The following ADAM22 variants were observed in gnomAD, a reference collection of about 807,000 sequenced individuals.
ADAM22 encodes ADAM metallopeptidase domain 22.
A neutral mutation model predicts 144.6 loss-of-function variants in ADAM22; 65 were observed. That is an observed-to-expected ratio of 0.45 (90% CI 0.37 to 0.55). The LOEUF is 0.55. ADAM22 is among the 20% of genes least tolerant of loss of function. The pLI, the probability that ADAM22 is intolerant of heterozygous loss-of-function variation, is 0.00. For missense variants in ADAM22, 974 were observed against 1,184.9 expected (o/e 0.82, Z 2.61); for synonymous variants, 391 against 412.6 (o/e 0.95, Z 0.63).
At chr7:88,189,034 A>C (rs112036307) in intron 30 of ADAM22, among the ~76,000 whole-genome samples, 18 of 152,304 alleles carry the variant, frequency 1.2e-4, no homozygotes, top group African/African-American at 4.1e-4. Context: ...CTGGTTCAAA[A>C]TATAGTCCAG....
intron 22 of ADAM22, among the ~76,000 whole-genome samples, chr7:88,157,875 A>G (rs1189336302): frequency 6.6e-6 from 1 of 152,168 alleles, no homozygotes; most frequent in Non-Finnish European, 1.5e-5. Context: ...CTATATGCAT[A>G]TGTAATTTTG....
intron 2 of ADAM22, among the ~76,000 whole-genome samples, chr7:87,972,808 T>A (rs1480741485): frequency 6.6e-6 from 1 of 152,164 alleles, no homozygotes; most frequent in Non-Finnish European, 1.5e-5. Flanking sequence ...AACTATCTGA[T>A]CTTTGACAAA....
Position 88,119,004 on chromosome 7 carries a change from T to G in ADAM22, c.607+2190T>G, listed in dbSNP as rs551729663. Among the ~76,000 whole-genome samples the G allele has an allele frequency of 4.6e-5, 7 of 152,352 alleles. No homozygotes were observed. In the South Asian group the frequency reaches 1.5e-3, roughly 32 times the overall value. On this transcript the variant is annotated intron_variant, in intron 7 of 31. Transcript: ENST00000413139. The stretch of plus-strand genomic sequence containing the variant: ...CATAAAGTTTAACTGGGTTGTAGAT[T>G]ATCAACATCATCATCTTGTTATGTT...
rs1846593958 is a variant in ADAM22 at position 87,955,931 on chromosome 7, C to T, written c.246+20745C>T. Among the ~76,000 whole-genome samples, 4 of 152,322 alleles carry T rather than the reference C, an allele frequency of 2.6e-5. No homozygotes were observed. The South Asian group carries it at 8.3e-4, about 32-fold the overall frequency. ...TCCATGGGCGTAGGACCCTCTGAGCCAGGTGCGGGATATAATCTCCTGGTG... is the reference window on the plus strand; with the variant it reads ...TCCATGGGCGTAGGACCCTCTGAGCTAGGTGCGGGATATAATCTCCTGGTG... On this transcript the variant is annotated intron_variant, in intron 2 of 31. Coordinates refer to ENST00000413139, the MANE Select transcript of ADAM22 (RefSeq NM_001324418.2).
Position 88,181,610 on chromosome 7 carries a change from AGGCT to A in ADAM22, c.2596+9_2596+12del. On this transcript the variant is annotated splice_donor_region_variant and intron_variant, in intron 28 of 31. Coordinates refer to ENST00000413139, the MANE Select transcript of ADAM22 (RefSeq NM_001324418.2). Reference sequence around the variant, plus strand: ...CTCGAAGTAACTCTTGGCAAGGTAGAGGCTGGCATTCTGAATCTGTCTGTCCACA... The same window carrying A: ...CTCGAAGTAACTCTTGGCAAGGTAGAGGCATTCTGAATCTGTCTGTCCACA... 1.9e-6 allele frequency: 3 copies of A among 1,610,486 alleles called. No individual in the cohort carries two copies. The highest frequency in any genetic ancestry group is 2.5e-6 in the Non-Finnish European group (3 of 1,177,022).
intron 2 of ADAM22, among the ~76,000 whole-genome samples, chr7:87,968,361 C>A (rs899211460): frequency 4.6e-5 from 7 of 152,084 alleles, no homozygotes; most frequent in Non-Finnish European, 1.0e-4. Flanking sequence ...GGCATAGGCA[C>A]TAGTATTTTT....
chr7:88,147,356 T>C (rs1836826328), intron 17 of ADAM22, among the ~76,000 whole-genome samples: 1 of 152,218 alleles, frequency 6.6e-6, no homozygotes. Context: ...TTTTTCTACC[T>C]GTATTTATAA....
chr7:88,158,687 A>G lies in ADAM22; in HGVS notation c.1907+2681A>G, dbSNP rs146905544. The stretch of plus-strand genomic sequence containing the variant: ...GGTAAATAATGAAATTAAGGCAGAA[A>G]TCAAGAAGTTCTTTGAAACTAATGA... On this transcript the variant is annotated intron_variant, in intron 22 of 31. Transcript: ENST00000413139. 3.6e-4 allele frequency among the ~76,000 whole-genome samples: 55 copies of G among 152,274 alleles called. No individual in the cohort carries two copies. The East Asian group carries it at 0.01, about 28-fold the overall frequency.
chr7:88,179,200 CA>C, intron 27 of ADAM22, 71 bp downstream of exon 27: 1 of 628,576 alleles, frequency 1.6e-6, no homozygotes, highest in Admixed American at 2.6e-5. Flanking sequence ...TACTCTACTT[CA>C]AAATGCCATA....
intron 2 of ADAM22, among the ~76,000 whole-genome samples, chr7:87,936,158 T>C (rs182577728): frequency 6.1e-4 from 93 of 151,642 alleles, no homozygotes; most frequent in Non-Finnish European, 1.0e-3. Flanking sequence ...GTGTGAAATA[T>C]GTAAAAATAG....
chr7:88,125,680 G>A (rs1444498670), intron 8 of ADAM22, 21 bp downstream of exon 8: 2 of 1,544,246 alleles, frequency 1.3e-6, no homozygotes, highest in Admixed American at 2.2e-5. Flanking sequence ...ACAGTGGTGT[G>A]TCGTGTTATT....
At chr7:88,046,218 A>C (rs1406946702) in intron 3 of ADAM22, among the ~76,000 whole-genome samples, 1 of 152,044 alleles carries the variant, frequency 6.6e-6, no homozygotes, top group Non-Finnish European at 1.5e-5. Flanking sequence ...CTACATCCTC[A>C]CCAGCCCTTG....
chr7:87,995,618 C>A (rs1457358158), intron 3 of ADAM22, among the ~76,000 whole-genome samples: 4 of 152,164 alleles, frequency 2.6e-5, no homozygotes, highest in Admixed American at 2.6e-4. Context: ...TCACCCAGAC[C>A]TGCTGAATCA....
intron 4 of ADAM22, among the ~76,000 whole-genome samples, chr7:88,095,554 T>TGGTAAGCGC (rs1326791545): frequency 6.6e-6 from 1 of 152,166 alleles, no homozygotes; most frequent in Non-Finnish European, 1.5e-5. Flanking sequence ...GCTTGCCTGA[T>TGGTAAGCGC]GGTAAGCGCA....
intron 2 of ADAM22, among the ~76,000 whole-genome samples, chr7:87,958,143 A>T (rs1280960154): frequency 6.6e-6 from 1 of 152,152 alleles, no homozygotes; most frequent in Non-Finnish European, 1.5e-5. Flanking sequence ...TCGCTGTTAT[A>T]AGCAGTATAT....
chr7:88,113,695 A>AT (rs1826734107), intron 5 of ADAM22, among the ~76,000 whole-genome samples: 16 of 52,258 alleles, frequency 3.1e-4, no homozygotes, highest in African/African-American at 1.4e-3. Flanking sequence ...ATTATAAATA[A>AT]ATAAATAAAT....
At chr7:88,083,487 TA>T (rs551705390) in intron 4 of ADAM22, among the ~76,000 whole-genome samples, 39 of 151,482 alleles carry the variant, frequency 2.6e-4, no homozygotes, top group African/African-American at 6.3e-4. Context: ...TTAAAGTATA[TA>T]AAAAAAAGAA....
At position 88,101,005 on chromosome 7, in the gene ADAM22, C is replaced by G. The variant is rs117789419; in HGVS notation, c.391-7171C>G. Among the ~76,000 whole-genome samples the G allele has an allele frequency of 8.7e-5, 13 of 150,262 alleles. No individual in the cohort carries two copies. In the East Asian group the frequency reaches 2.3e-3, roughly 27 times the overall value. ...GACAGTGTATACCCTTGGGGGGAAT[C>G]TAGGATGCAGTAGGGTTCAAGGACA... is the stretch of plus-strand genomic sequence containing the variant. On this transcript the variant is annotated intron_variant, in intron 4 of 31. Coordinates refer to ENST00000413139, the MANE Select transcript of ADAM22 (RefSeq NM_001324418.2).
chr7:88,194,010 G>A (rs1183221214), intron 31 of ADAM22, among the ~76,000 whole-genome samples: 2 of 152,136 alleles, frequency 1.3e-5, no homozygotes, highest in South Asian at 4.1e-4. Context: ...ACCATTATAT[G>A]TTAATATGAG....
Sources: allele counts gnomAD v4.1 joint callset (sites outside exome capture counted in the v4.1 genomes callset), GRCh38; gene constraint gnomAD v4.1.1; transcripts MANE v1.5; gene names NCBI Gene and HGNC (gene_info 2026-07-23, HGNC 2026-07-21).